The following MYT1L variants were observed in gnomAD, a reference collection of about 807,000 sequenced individuals.
MYT1L encodes myelin transcription factor 1 like.
A neutral mutation model predicts 126.7 loss-of-function variants in MYT1L; 12 were observed. The observed-to-expected ratio is 0.09, with a 90% CI of 0.06 to 0.15. The LOEUF is 0.15. Among genes scored for constraint, MYT1L ranks in the 10% least tolerant of loss-of-function variants. MYT1L has a pLI of 1.00. For synonymous variants in MYT1L, 541 were observed against 604.2 expected, an observed-to-expected ratio of 0.90 and a Z score of 1.53; for missense variants, 979 against 1,585.2, an observed-to-expected ratio of 0.62 and a Z score of 6.49.
At chr2:2,154,789 C>A (rs537416099) in intron 3 of MYT1L, among the ~76,000 whole-genome samples, 3 of 152,188 alleles carry the variant, frequency 2.0e-5, no homozygotes, top group African/African-American at 4.8e-5. Flanking sequence ...ACGAGTTTAC[C>A]TATGGAACAA....
chr2:2,057,203 A>G (rs1304862121), intron 3 of MYT1L, among the ~76,000 whole-genome samples: 1 of 152,156 alleles, frequency 6.6e-6, no homozygotes, highest in Non-Finnish European at 1.5e-5. Context: ...TCACCGAAGG[A>G]GCAAGAGTTC....
At chr2:1,915,040 C>T (rs533922232) in intron 11 of MYT1L, among the ~76,000 whole-genome samples, 8 of 152,194 alleles carry the variant, frequency 5.3e-5, no homozygotes, top group African/African-American at 1.9e-4. Context: ...CGTGCAGAGC[C>T]CCGGCCTCAT....
intron 4 of MYT1L, among the ~76,000 whole-genome samples, chr2:2,004,529 A>ATTTCCTGCATG (rs2062927786): frequency 1.2e-5 from 1 of 80,510 alleles, no homozygotes; most frequent in African/African-American, 5.1e-5. Context: ...TTTCCTGCAT[A>ATTTCCTGCATG]CGTTCTTTCC....
intron 3 of MYT1L, among the ~76,000 whole-genome samples, chr2:2,071,275 T>G (rs2074563932): frequency 6.6e-6 from 1 of 152,204 alleles, no homozygotes; most frequent in Non-Finnish European, 1.5e-5. Context: ...TTAATAAAAA[T>G]GTACAGACCT....
chr2:2,209,414 C>T (rs997848986), intron 2 of MYT1L, among the ~76,000 whole-genome samples: 2 of 152,114 alleles, frequency 1.3e-5, no homozygotes. Context: ...CCCTTCCCAG[C>T]CTCTGGTAAC....
chr2:2,307,567 A>G (rs2095875098), intron 1 of MYT1L, among the ~76,000 whole-genome samples: 1 of 152,096 alleles, frequency 6.6e-6, no homozygotes, highest in Non-Finnish European at 1.5e-5. Context: ...GTAATTTCAC[A>G]TTATTGAGAG....
At chr2:2,022,217 CA>C (rs1453031140) in intron 4 of MYT1L, among the ~76,000 whole-genome samples, 1 of 152,128 alleles carries the variant, frequency 6.6e-6, no homozygotes, top group African/African-American at 2.4e-5. Flanking sequence ...GGATTCCTTC[CA>C]AATTGGGAGG....
chr2:2,120,991 G>A (rs1189073732), intron 3 of MYT1L, among the ~76,000 whole-genome samples: 1 of 152,126 alleles, frequency 6.6e-6, no homozygotes, highest in Non-Finnish European at 1.5e-5. Flanking sequence ...TGGCGATGGC[G>A]GTCACCGGGA....
chr2:2,194,869 A>C (rs1228724469), intron 2 of MYT1L, among the ~76,000 whole-genome samples: 7 of 152,242 alleles, frequency 4.6e-5, no homozygotes, highest in Non-Finnish European at 1.5e-5. Flanking sequence ...CACTTTGCTA[A>C]TATGGAATGC....
intron 4 of MYT1L, among the ~76,000 whole-genome samples, chr2:2,008,369 A>G (rs2063522201): frequency 6.6e-6 from 1 of 152,228 alleles, no homozygotes; most frequent in Non-Finnish European, 1.5e-5. Context: ...TCATTTGTGC[A>G]GTGGGCAGGA....
At chr2:2,016,672 A>ATATTTAT (rs2064437261) in intron 4 of MYT1L, among the ~76,000 whole-genome samples, 1 of 152,240 alleles carries the variant, frequency 6.6e-6, no homozygotes, top group Non-Finnish European at 1.5e-5. Context: ...GACAAAAATA[A>ATATTTAT]TATTTAGAAT....
At chr2:2,086,839 C>A (rs2076400170) in intron 3 of MYT1L, among the ~76,000 whole-genome samples, 1 of 152,216 alleles carries the variant, frequency 6.6e-6, no homozygotes, top group Non-Finnish European at 1.5e-5. Context: ...AGTTCTTATT[C>A]AGCTGGTGTC....
At chr2:2,109,240 T>G (rs536238618) in intron 3 of MYT1L, among the ~76,000 whole-genome samples, 9 of 152,354 alleles carry the variant, frequency 5.9e-5, no homozygotes, top group African/African-American at 2.2e-4. Context: ...GTCTTTGGAA[T>G]GTTTGCTACA....
At chr2:1,821,378 T>C (rs1390383763) in intron 21 of MYT1L, among the ~76,000 whole-genome samples, 1 of 152,174 alleles carries the variant, frequency 6.6e-6, no homozygotes, top group Non-Finnish European at 1.5e-5. Context: ...ATTACCTCAA[T>C]TTTACATTTT....
In MYT1L at chr2:2,249,174, C is replaced by A. The variant is rs532312732; in HGVS notation, c.-421+35230G>T. Among the ~76,000 whole-genome samples the A allele has an allele frequency of 3.3e-5, 5 of 151,924 alleles. No individual in the cohort carries two copies. The South Asian group carries it at 1.0e-3, about 32-fold the overall frequency. ...TAATAAATTTAAAAAATAAATTTTG[C>A]AGGATACAAAATTAACATACACAAA... On this transcript the variant is annotated intron_variant, in intron 2 of 24. Transcript: ENST00000647738.
At chr2:1,960,317 G>A (rs918842293) in intron 8 of MYT1L, among the ~76,000 whole-genome samples, 2 of 152,190 alleles carry the variant, frequency 1.3e-5, no homozygotes, top group African/African-American at 2.4e-5. Context: ...GTGCTCATCC[G>A]CACTTTACAC....
intron 3 of MYT1L, among the ~76,000 whole-genome samples, chr2:2,143,612 G>A (rs781474460): frequency 1.1e-4 from 17 of 152,138 alleles, no homozygotes; most frequent in Non-Finnish European, 1.9e-4. Context: ...AATGATGTGA[G>A]GGGCAGAGGT....
At position 2,115,738 on chromosome 2, in the gene MYT1L, C is replaced by A. The variant is rs116206893; in HGVS notation, c.-304+57134G>T. Among the ~76,000 whole-genome samples, 1,456 of 152,302 alleles carry A rather than the reference C, an allele frequency of 9.6e-3. 27 individuals are homozygous for A. The highest frequency in any genetic ancestry group is 0.034 in the African/African-American group (1,404 of 41,552). On this transcript the variant is annotated intron_variant, in intron 3 of 24. Coordinates refer to ENST00000647738, the MANE Select transcript of MYT1L (RefSeq NM_001303052.2). ...GGGCGCTGCCAAGGCAAGGCCCCCG[C>A]GGGAGTGTCGGGGTGGGGACAGCGG...
At chr2:1,832,960 C>G (rs1214775577) in intron 21 of MYT1L, among the ~76,000 whole-genome samples, 1 of 152,222 alleles carries the variant, frequency 6.6e-6, no homozygotes, top group Non-Finnish European at 1.5e-5. Context: ...CTTTGTAAAC[C>G]AGACCTGGAC....
Sources: gnomAD v4.1 joint callset for allele counts (sites outside exome capture counted in the v4.1 genomes callset) on GRCh38, gnomAD v4.1.1 for gene constraint, MANE v1.5 for transcripts, NCBI Gene and HGNC (gene_info 2026-07-23, HGNC 2026-07-21) for gene names.